Variants in PIEZO1 observed in about 807,000 individuals in gnomAD.
The protein encoded by PIEZO1 is piezo type mechanosensitive ion channel component 1 (Er blood group).
PIEZO1 carries 296 observed loss-of-function variants against 297.2 expected under a neutral mutation model. The ratio of observed to expected loss-of-function variants is 1.00; its 90% confidence interval spans 0.91 to 1.10. PIEZO1 has a LOEUF of 1.10. Ranked by LOEUF, PIEZO1 falls within the 50% of genes least tolerant of loss-of-function variation. PIEZO1 has a pLI of 0.00. For missense variants in PIEZO1, 5,018 were observed against 3,455.5 expected (o/e 1.45, Z -11.34); for synonymous variants, 2,427 against 1,507.5 (o/e 1.61, Z -14.13).
In PIEZO1 at chr16:88,734,587, G is replaced by A. The variant is rs1597458061; in HGVS notation, c.1998-49C>T. 3.9e-6 allele frequency: 6 copies of A among 1,546,764 alleles called. No individual in the cohort carries two copies. The East Asian group carries it at 1.5e-4, about 38-fold the overall frequency. ...CGGCCCGGCCCCCGGCAGAGCCGCTGCAGCCCCGGGGAAGTGCACGGGGTT... is the reference window on the plus strand; with the variant it reads ...CGGCCCGGCCCCCGGCAGAGCCGCTACAGCCCCGGGGAAGTGCACGGGGTT... On this transcript the variant is annotated intron_variant, in intron 15 of 50. Coordinates refer to ENST00000301015, the MANE Select transcript of PIEZO1 (RefSeq NM_001142864.4).
Position 88,722,874 on chromosome 16 carries a change from C to G in PIEZO1, c.4631G>C (p.Arg1544Pro). The G allele has an allele frequency of 6.5e-7, 1 of 1,548,378 alleles. No individual in the cohort carries two copies. The highest frequency in any genetic ancestry group is 1.2e-5 in the South Asian group (1 of 84,052). Reference sequence around the variant, plus strand: ...CTGTGTGAGGAGGTAGCGCTCTGCCCGCAGCACGTCGCTCATGGTGCCGTG... The same window carrying G: ...CTGTGTGAGGAGGTAGCGCTCTGCCGGCAGCACGTCGCTCATGGTGCCGTG... ...RHHGTMSDVL[R>P]AERYLLTQEL... The change falls in exon 34 of 51, where the codon CGG (arginine) becomes CCG (proline). Residue 1544 changes from arginine (R) to proline (P), a missense_variant. Coordinates refer to ENST00000301015, the MANE Select transcript of PIEZO1 (RefSeq NM_001142864.4).
intron 1 of PIEZO1, among the ~76,000 whole-genome samples, chr16:88,773,578 A>C (rs1907522782): frequency 6.6e-6 from 1 of 152,186 alleles, no homozygotes; most frequent in Non-Finnish European, 1.5e-5. Context: ...GGCTCCTAGG[A>C]ACAGGGCCTG....
intron 1 of PIEZO1, among the ~76,000 whole-genome samples, chr16:88,756,479 C>A (rs1033087873): frequency 5.0e-4 from 76 of 152,250 alleles, no homozygotes; most frequent in Non-Finnish European, 1.8e-4. Context: ...TGGGGCCGGG[C>A]ACCGTGGCTC....
At chr16:88,771,185 A>G (rs1188740333) in intron 1 of PIEZO1, among the ~76,000 whole-genome samples, 1 of 152,202 alleles carries the variant, frequency 6.6e-6, no homozygotes, top group African/African-American at 2.4e-5. Flanking sequence ...AGCGACCGCT[A>G]CTGGCACCGG....
Position 88,723,277 on chromosome 16 carries a change from G to A in PIEZO1, c.4387C>T (p.Gln1463Ter). The A allele has an allele frequency of 3.4e-6, 5 of 1,478,878 alleles. No individual in the cohort carries two copies. Among genetic ancestry groups the A allele is most frequent in the Non-Finnish European group, 4.6e-6 (5 of 1,096,874 alleles). 91.6% of individuals were successfully genotyped at this position (1,478,878 alleles called of 1,614,324 possible). A position where few individuals can be genotyped will look rare whatever the true frequency, so the allele number is the denominator to read the frequency against. ...TGCCTTGCCTGCTCCTGCTCCTGCT[G>A]CCGCCGCCTCAGCACCGCCTGGGCG... Reference protein sequence around the residue: ...TNAQAVLRRRQQEQEQARQEQ... With the variant: ...TNAQAVLRRR The change falls in exon 32 of 51, where the codon CAG becomes TAG. Residue 1463 changes from glutamine (Q) to a stop codon, truncating the protein, a stop_gained. Coordinates refer to ENST00000301015, the MANE Select transcript of PIEZO1 (RefSeq NM_001142864.4). LOFTEE classifies it high-confidence loss of function.
chr16:88,734,673 G>C lies in PIEZO1; in HGVS notation c.1974C>G (p.Asn658Lys). The C allele has an allele frequency of 1.3e-6, 2 of 1,550,310 alleles. No individual in the cohort carries two copies. The highest frequency in any genetic ancestry group is 8.7e-7 in the Non-Finnish European group (1 of 1,146,922). Residue 658 changes from asparagine (N) to lysine (K), a missense_variant, in exon 15 of 51, where the codon AAC becomes AAG. Physicochemically the swap from Asn to Lys is moderately conservative, Grantham distance 94. Coordinates refer to ENST00000301015, the MANE Select transcript of PIEZO1 (RefSeq NM_001142864.4). ...QFQDFPAYWR[N>K]LTGFTDEQLG... ...ACTGCTCGTCGGTGAAGCCAGTGAG[G>C]TTGCGCCAGTAGGCAGGGAAGTCCT...
chr16:88,750,712 G>C (rs183228217), intron 1 of PIEZO1, among the ~76,000 whole-genome samples: 1 of 152,236 alleles, frequency 6.6e-6, no homozygotes, highest in Non-Finnish European at 1.5e-5. Flanking sequence ...GGAGATGAGG[G>C]GTGGGGCCTG....
At position 88,736,338 on chromosome 16, in the gene PIEZO1, A is replaced by G; in HGVS notation, c.1367T>C (p.Val456Ala). 1 of 1,550,136 alleles carries G rather than the reference A, an allele frequency of 6.5e-7. No individual in the cohort carries two copies. Among genetic ancestry groups the G allele is most frequent in the South Asian group, 1.2e-5 (1 of 84,064 alleles). The change falls in exon 12 of 51, where the codon GTG becomes GCG. Residue 456 changes from valine (V) to alanine (A), a missense_variant. Transcript: ENST00000301015. ...CATGGCCAGTTGGTGGCGGCTGCGC[A>G]CCGTCCAGATGAGGCAGGCCCAGAG... The part of the protein sequence containing the change: ...LLLWACLIWT[V>A]RSRHQLAMLC...
intron 21 of PIEZO1, 91 bp from the exon 22 acceptor site, chr16:88,732,001 A>T (rs2142806786): frequency 5.5e-4 from 4 of 7,332 alleles, no homozygotes; most frequent in South Asian, 4.9e-3. Context: ...GGCTTGCAGC[A>T]GCCCTGCCTG....
intron 1 of PIEZO1, among the ~76,000 whole-genome samples, chr16:88,759,751 C>CG (rs1421415507): frequency 6.6e-6 from 1 of 152,150 alleles, no homozygotes; most frequent in Non-Finnish European, 1.5e-5. Flanking sequence ...GCCCAGGGGA[C>CG]GGGGGGAAGC....
intron 24 of PIEZO1, 23 bp downstream of exon 24, chr16:88,727,016 G>A (rs765156749): frequency 1.8e-5 from 28 of 1,548,260 alleles, no homozygotes; most frequent in African/African-American, 4.1e-5. Context: ...AAGGTTCCCC[G>A]TGGAGGGTGA....
At chr16:88,774,630 G>A (rs1907574970) in intron 1 of PIEZO1, among the ~76,000 whole-genome samples, 1 of 152,166 alleles carries the variant, frequency 6.6e-6, no homozygotes, top group African/African-American at 2.4e-5. Context: ...GCCTGAAAAG[G>A]AAGCCGGCAA....
At chr16:88,737,193 C>T (rs1015916150) in intron 10 of PIEZO1, 17 of 274,114 alleles carry the variant, frequency 6.2e-5, no homozygotes, top group Non-Finnish European at 9.1e-5. Context: ...CCTGGACGAG[C>T]GGCCTCCTGG....
intron 2 of PIEZO1, chr16:88,742,806 A>G: frequency 2.9e-6 from 1 of 341,498 alleles, no homozygotes. Flanking sequence ...ACCTCACCCC[A>G]GTGGGGGCTG....
chr16:88,771,188 G>A (rs1485117276), intron 1 of PIEZO1, among the ~76,000 whole-genome samples: 1 of 152,226 alleles, frequency 6.6e-6, no homozygotes, highest in Non-Finnish European at 1.5e-5. Flanking sequence ...GACCGCTACT[G>A]GCACCGGGCC....
Position 88,736,681 on chromosome 16 carries a change from G to A in PIEZO1, c.1254C>T (p.Leu418=), listed in dbSNP as rs775374625. ...CGCACACATAGCTCTGGTCCATGAT[G>A]AGGTGGCCCAGGCTGTGGAGCGGAG... ...EASPLHSLGH[L]IMDQSYVCAL... The change falls in exon 11 of 51, where the codon CTC becomes CTT. Residue 418 remains leucine, a synonymous_variant. Transcript: ENST00000301015. 21 of 1,533,130 alleles carry A rather than the reference G, an allele frequency of 1.4e-5. No homozygotes were observed. Among genetic ancestry groups the A allele is most frequent in the Non-Finnish European group, 1.4e-5 (16 of 1,145,852 alleles). 95.0% of individuals were successfully genotyped at this position (1,533,130 alleles called of 1,614,324 possible). A position where few individuals can be genotyped will look rare whatever the true frequency, so the allele number is the denominator to read the frequency against.
chr16:88,758,216 C>T (rs1220153345), intron 1 of PIEZO1, among the ~76,000 whole-genome samples: 2 of 152,146 alleles, frequency 1.3e-5, no homozygotes, highest in Admixed American at 1.3e-4. Flanking sequence ...CCTCTCAGCC[C>T]AAGTCCTTGT....
At chr16:88,763,802 C>T (rs561854376) in intron 1 of PIEZO1, among the ~76,000 whole-genome samples, 45 of 152,308 alleles carry the variant, frequency 3.0e-4, no homozygotes, top group African/African-American at 1.1e-3. Context: ...GAGCTGGCCC[C>T]GCCCCCAGCA....
chr16:88,724,619 G>A (rs905641090), intron 30 of PIEZO1, among the ~76,000 whole-genome samples: 6 of 151,904 alleles, frequency 3.9e-5, no homozygotes, highest in East Asian at 1.9e-4. Context: ...ACTTGAACCC[G>A]GGAGGTAGAG....
Sources: gnomAD v4.1 joint callset for allele counts (sites outside exome capture counted in the v4.1 genomes callset) on GRCh38, gnomAD v4.1.1 for gene constraint, MANE v1.5 for transcripts, NCBI Gene and HGNC (gene_info 2026-07-23, HGNC 2026-07-21) for gene names.